FMN1: variants seen among roughly 807,000 people sequenced by gnomAD.
FMN1 encodes the protein formin 1, also known as formin-1.
Under a neutral mutation model 132.4 loss-of-function variants are expected in FMN1, and 110 were observed. That is an observed-to-expected ratio of 0.83 (90% CI 0.71 to 0.97). The LOEUF is 0.97. Among genes scored for constraint, FMN1 ranks in the 50% least tolerant of loss-of-function variants. FMN1 has a pLI of 0.00. For missense variants in FMN1, 1,792 were observed against 1,705.3 expected (o/e 1.05, Z -0.90); for synonymous variants, 722 against 651.7 (o/e 1.11, Z -1.64).
intron 8 of FMN1, among the ~76,000 whole-genome samples, chr15:32,965,402 AAATAAT>A (rs531861104): frequency 6.6e-6 from 1 of 152,064 alleles, no homozygotes; most frequent in Non-Finnish European, 1.5e-5. Flanking sequence ...TCCATCTCAA[AAATAAT>A]AATAATAATA....
intron 2 of FMN1, among the ~76,000 whole-genome samples, chr15:33,193,619 C>T (rs991864438): frequency 8.5e-5 from 13 of 152,136 alleles, no homozygotes; most frequent in African/African-American, 2.4e-4. Context: ...ACTGCCACTC[C>T]CCATATATAT....
At chr15:32,888,610 G>T (rs1212867163) in intron 15 of FMN1, among the ~76,000 whole-genome samples, 1 of 152,220 alleles carries the variant, frequency 6.6e-6, no homozygotes, top group African/African-American at 2.4e-5. Flanking sequence ...AAATGGAAGA[G>T]GGGAACACAT....
At chr15:33,132,174 C>T (rs893760928) in intron 4 of FMN1, among the ~76,000 whole-genome samples, 3 of 152,048 alleles carry the variant, frequency 2.0e-5, no homozygotes, top group Admixed American at 1.3e-4. Flanking sequence ...CTTGTCTCCC[C>T]TTCCCCCTCT....
chr15:33,105,344 TTA>T (rs2039444404), intron 4 of FMN1, among the ~76,000 whole-genome samples: 1 of 152,090 alleles, frequency 6.6e-6, no homozygotes, highest in East Asian at 1.9e-4. Flanking sequence ...GGGGTTGCAA[TTA>T]ATAGCTAGCA....
intron 2 of FMN1, among the ~76,000 whole-genome samples, chr15:33,188,383 T>C (rs1346490851): frequency 2.6e-5 from 4 of 152,170 alleles, no homozygotes; most frequent in African/African-American, 9.7e-5. Flanking sequence ...CCTCTTGTTA[T>C]TCATGACCTT....
Position 33,128,824 on chromosome 15 carries a change from A to T in FMN1, c.1867+24224T>A, listed in dbSNP as rs538601867. Among the ~76,000 whole-genome samples the T allele has an allele frequency of 3.3e-5, 5 of 152,332 alleles. No homozygotes were observed. The South Asian group carries it at 8.3e-4, about 25-fold the overall frequency. On this transcript the variant is annotated intron_variant, in intron 4 of 20. Transcript: ENST00000616417. ...TTTACTGTCACGAGCAAAATAACAA[A>T]GCCTCCGCAATGCGGAAGACAACCG...
chr15:32,875,611 T>C (rs2059618111), intron 16 of FMN1, among the ~76,000 whole-genome samples: 1 of 152,132 alleles, frequency 6.6e-6, no homozygotes, highest in Non-Finnish European at 1.5e-5. Flanking sequence ...GAGGTTGAGC[T>C]ATCTGGGAAA....
At chr15:33,011,688 G>A (rs185175681) in intron 6 of FMN1, among the ~76,000 whole-genome samples, 58 of 152,144 alleles carry the variant, frequency 3.8e-4, no homozygotes, top group African/African-American at 1.3e-3. Context: ...CAGAGTGGGA[G>A]AATATACTTG....
chr15:32,992,878 T>C (rs2033524855), intron 7 of FMN1, among the ~76,000 whole-genome samples: 1 of 152,198 alleles, frequency 6.6e-6, no homozygotes, highest in Non-Finnish European at 1.5e-5. Flanking sequence ...GATCAATGTA[T>C]ATTTAGCCTA....
intron 16 of FMN1, among the ~76,000 whole-genome samples, chr15:32,865,477 T>C (rs900450887): frequency 1.3e-5 from 2 of 152,208 alleles, no homozygotes; most frequent in Non-Finnish European, 2.9e-5. Flanking sequence ...GAGTTTGAGA[T>C]GCACATGTAA....
At chr15:33,150,287 G>A (rs1354227376) in intron 4 of FMN1, 1 of 985,350 alleles carries the variant, frequency 1.0e-6, no homozygotes, top group Non-Finnish European at 1.2e-6. Flanking sequence ...GTTCCTCAAG[G>A]TTTGGGGGAA....
chr15:33,034,627 A>T (rs1240364391), intron 6 of FMN1, among the ~76,000 whole-genome samples: 1 of 151,970 alleles, frequency 6.6e-6, no homozygotes, highest in Non-Finnish European at 1.5e-5. Context: ...CCTGACCTCC[A>T]ACAGATCAGG....
At chr15:32,827,247 CTG>C (rs1246397009) in intron 17 of FMN1, among the ~76,000 whole-genome samples, 1 of 152,192 alleles carries the variant, frequency 6.6e-6, no homozygotes, top group Non-Finnish European at 1.5e-5. Context: ...CCAGCTTAAA[CTG>C]TCATTTATGA....
intron 3 of FMN1, among the ~76,000 whole-genome samples, chr15:33,164,157 A>G (rs1965007151): frequency 6.6e-6 from 1 of 152,212 alleles, no homozygotes; most frequent in Non-Finnish European, 1.5e-5. Flanking sequence ...GATAGCACTG[A>G]AATTGAGAGA....
intron 3 of FMN1, among the ~76,000 whole-genome samples, chr15:33,168,569 C>T (rs1299403705): frequency 1.3e-5 from 2 of 152,154 alleles, no homozygotes; most frequent in Admixed American, 1.3e-4. Flanking sequence ...TGGACATCAC[C>T]ATTAAGTTTG....
chr15:33,121,102 G>C (rs764057079), intron 4 of FMN1, among the ~76,000 whole-genome samples: 1 of 147,612 alleles, frequency 6.8e-6, no homozygotes, highest in African/African-American at 2.4e-5. Context: ...GCTAGATGAT[G>C]TTGTAACAAG....
At chr15:33,179,600 T>C (rs1287246607) in intron 3 of FMN1, among the ~76,000 whole-genome samples, 2 of 152,198 alleles carry the variant, frequency 1.3e-5, no homozygotes, top group Admixed American at 1.3e-4. Flanking sequence ...ATCTGCCACA[T>C]TATATTTCTA....
At position 32,903,182 on chromosome 15, in the gene FMN1, T is replaced by C. The variant is rs541093839; in HGVS notation, c.3378-1142A>G. On this transcript the variant is annotated intron_variant, in intron 12 of 20. Coordinates refer to ENST00000616417, the MANE Select transcript of FMN1 (RefSeq NM_001277313.2). ...TCATAATCCACAATCTTTTTTTAGA[T>C]GACATTTAATGAAAGCAAGGAATAT... 7.9e-5 allele frequency among the ~76,000 whole-genome samples: 12 copies of C among 152,264 alleles called. No homozygotes were observed. In the South Asian group the frequency reaches 1.5e-3, roughly 18 times the overall value.
intron 3 of FMN1, among the ~76,000 whole-genome samples, chr15:33,167,288 A>T (rs1204746287): frequency 5.3e-5 from 8 of 152,166 alleles, no homozygotes; most frequent in Non-Finnish European, 1.2e-4. Context: ...TATAAATGGA[A>T]GTTCCCCTGT....
Sources: gnomAD v4.1 joint callset for allele counts (sites outside exome capture counted in the v4.1 genomes callset) on GRCh38, gnomAD v4.1.1 for gene constraint, MANE v1.5 for transcripts, NCBI Gene and HGNC (gene_info 2026-07-23, HGNC 2026-07-21) for gene names.